Variants in THSD7A observed in about 807,000 individuals in gnomAD.
THSD7A encodes thrombospondin type-1 domain-containing protein 7A.
Under a neutral mutation model 231.3 loss-of-function variants are expected in THSD7A, and 96 were observed. That is an observed-to-expected ratio of 0.41 (90% CI 0.35 to 0.49). THSD7A has a LOEUF of 0.49. Ranked by LOEUF, THSD7A falls within the 20% of genes least tolerant of loss-of-function variation. The probability of loss-of-function intolerance (pLI) is 0.05; values close to 1 mark genes in which losing one functional copy is unlikely to be tolerated. For missense variants in THSD7A, 2,290 were observed against 2,070.2 expected, an observed-to-expected ratio of 1.11 and a Z score of -2.06; for synonymous variants, 940 against 743.3, an observed-to-expected ratio of 1.26 and a Z score of -4.30.
chr7:11,695,447 A>T (rs1164060413), intron 1 of THSD7A, among the ~76,000 whole-genome samples: 1 of 151,514 alleles, frequency 6.6e-6, no homozygotes, highest in Non-Finnish European at 1.5e-5. Context: ...AGTATTGAGA[A>T]AGAAAAACAA....
chr7:11,701,622 A>G (rs1356399779), intron 1 of THSD7A, among the ~76,000 whole-genome samples: 2 of 151,130 alleles, frequency 1.3e-5, no homozygotes, highest in Admixed American at 1.3e-4. Flanking sequence ...GTTCAAATAA[A>G]TAACCTGGGG....
At chr7:11,396,607 A>G (rs987180532) in intron 23 of THSD7A, among the ~76,000 whole-genome samples, 7 of 152,206 alleles carry the variant, frequency 4.6e-5, no homozygotes, top group African/African-American at 7.2e-5. Context: ...GAAGAGACCA[A>G]TAACAAGTTC....
At chr7:11,462,969 C>T (rs1033096530) in intron 9 of THSD7A, among the ~76,000 whole-genome samples, 7 of 152,096 alleles carry the variant, frequency 4.6e-5, no homozygotes, top group Non-Finnish European at 8.8e-5. Flanking sequence ...ATTACGTACA[C>T]TTTAACGATG....
At chr7:11,752,616 C>T (rs888428108) in intron 1 of THSD7A, among the ~76,000 whole-genome samples, 6 of 151,982 alleles carry the variant, frequency 3.9e-5, no homozygotes, top group South Asian at 2.1e-4. Flanking sequence ...AATGATTCAA[C>T]GTTTAGAAGT....
chr7:11,740,350 C>T lies in THSD7A; in HGVS notation c.190+91407G>A, dbSNP rs1429109540. On this transcript the variant is annotated intron_variant, in intron 1 of 27. Coordinates refer to ENST00000423059, the MANE Select transcript of THSD7A (RefSeq NM_015204.3). ...AAATTGTATACACCTCCCTGCACTC[C>T]TCTATCTACATTGCACAGTGATCAT... Among the ~76,000 whole-genome samples, 6 of 152,100 alleles carry T rather than the reference C, an allele frequency of 3.9e-5. No individual in the cohort carries two copies. In the South Asian group the frequency reaches 1.0e-3, roughly 26 times the overall value.
intron 1 of THSD7A, among the ~76,000 whole-genome samples, chr7:11,717,481 G>A (rs1781180611): frequency 6.6e-6 from 1 of 151,600 alleles, no homozygotes; most frequent in African/African-American, 2.4e-5. Context: ...TTTCCATGGG[G>A]AAAGGAGTAA....
chr7:11,807,031 T>C (rs1285003995), intron 1 of THSD7A, among the ~76,000 whole-genome samples: 1 of 152,112 alleles, frequency 6.6e-6, no homozygotes, highest in Non-Finnish European at 1.5e-5. Flanking sequence ...CTTCTTTCTC[T>C]CTCACTTGTC....
At position 11,411,361 on chromosome 7, in the gene THSD7A, T is replaced by TAAGA. The variant is rs1275491180; in HGVS notation, c.3683-43_3683-40dup. 7.2e-7 allele frequency: 1 copy of TAAGA among 1,392,786 alleles called. No individual in the cohort carries two copies. Among genetic ancestry groups the TAAGA allele is most frequent in the South Asian group, 1.2e-5 (1 of 82,742 alleles). The allele number at this position is 1,392,786 out of a possible 1,614,324, so 86.3% of individuals were successfully genotyped here. On this transcript the variant is annotated intron_variant, in intron 18 of 27. Coordinates refer to ENST00000423059, the MANE Select transcript of THSD7A (RefSeq NM_015204.3). The surrounding 1 kb of genome is among the most constrained non-coding windows in gnomAD (Gnocchi z 4.1). ...AAGCCCATCAGAACAGAAGGCTAAG[T>TAAGA]AAGAAACAGATTTCAAATGAAACTC...
intron 1 of THSD7A, among the ~76,000 whole-genome samples, chr7:11,792,487 A>G (rs1783986394): frequency 6.6e-6 from 1 of 151,944 alleles, no homozygotes; most frequent in Admixed American, 6.6e-5. Flanking sequence ...ACCAAGCCTT[A>G]TAGTGGGGAC....
At chr7:11,463,113 T>C (rs1487436037) in intron 9 of THSD7A, among the ~76,000 whole-genome samples, 5 of 152,158 alleles carry the variant, frequency 3.3e-5, no homozygotes, top group Admixed American at 2.6e-4. Context: ...GGAACAGAAA[T>C]ATTTTAAAGG....
At position 11,710,065 on chromosome 7, in the gene THSD7A, A is replaced by T. The variant is rs576204499; in HGVS notation, c.191-73104T>A. Among the ~76,000 whole-genome samples the T allele has an allele frequency of 2.7e-5, 4 of 150,800 alleles. No individual in the cohort carries two copies. The South Asian group carries it at 6.2e-4, about 23-fold the overall frequency. ...GATTTTTACAATCTGATTTTATTGG[A>T]AACACACATGATAGAATAAATGCTA... On this transcript the variant is annotated intron_variant, in intron 1 of 27. Transcript: ENST00000423059.
chr7:11,771,916 G>A (rs1021557015), intron 1 of THSD7A, among the ~76,000 whole-genome samples: 20 of 152,138 alleles, frequency 1.3e-4, no homozygotes, highest in Middle Eastern at 3.4e-3. Context: ...TCTCTCTCTT[G>A]CTCCTACTCT....
At chr7:11,725,095 A>T (rs1254289668) in intron 1 of THSD7A, among the ~76,000 whole-genome samples, 1 of 151,964 alleles carries the variant, frequency 6.6e-6, no homozygotes, top group African/African-American at 2.4e-5. Context: ...GCTAAATAAG[A>T]TTCATTCAAA....
At chr7:11,595,914 T>C (rs1459968127) in intron 2 of THSD7A, among the ~76,000 whole-genome samples, 1 of 152,226 alleles carries the variant, frequency 6.6e-6, no homozygotes, top group African/African-American at 2.4e-5. Context: ...GTCTGACTCA[T>C]GTAGAGCTCT....
chr7:11,806,513 G>A (rs959945249), intron 1 of THSD7A, among the ~76,000 whole-genome samples: 4 of 152,088 alleles, frequency 2.6e-5, no homozygotes, highest in Admixed American at 2.0e-4. Flanking sequence ...TATATTTTTA[G>A]ATAAATAAAA....
intron 13 of THSD7A, among the ~76,000 whole-genome samples, chr7:11,430,044 G>A (rs1355695903): frequency 1.3e-5 from 2 of 152,076 alleles, no homozygotes; most frequent in Non-Finnish European, 2.9e-5. Flanking sequence ...AGAATGAAAC[G>A]CACGGTTGTC....
intron 1 of THSD7A, among the ~76,000 whole-genome samples, chr7:11,669,059 G>A (rs1007243132): frequency 1.6e-4 from 24 of 152,180 alleles, no homozygotes; most frequent in African/African-American, 5.8e-4. Context: ...TTATTACTTA[G>A]TATTTCTATT....
chr7:11,726,413 AG>A (rs968992044), intron 1 of THSD7A, among the ~76,000 whole-genome samples: 64 of 152,166 alleles, frequency 4.2e-4, no homozygotes, highest in African/African-American at 1.3e-3. Context: ...TCATAATGAA[AG>A]GTTCATTAGT....
At chr7:11,400,725 GCCCATTTGGTTTTTACTGCAAGTATT>G (rs1357603244) in intron 23 of THSD7A, among the ~76,000 whole-genome samples, 2 of 152,166 alleles carry the variant, frequency 1.3e-5, no homozygotes, top group Non-Finnish European at 2.9e-5. Flanking sequence ...AAGTCATCTA[GCCCATTTGGTTTTTACTGCAAGTATT>G]CTTTTCCAAC....
Sources: allele counts gnomAD v4.1 joint callset (sites outside exome capture counted in the v4.1 genomes callset), GRCh38; gene constraint gnomAD v4.1.1; non-coding constraint Gnocchi (gnomAD v3.1); transcripts MANE v1.5; gene names NCBI Gene and HGNC (gene_info 2026-07-23, HGNC 2026-07-21).